Variants in PLCB1 observed in about 807,000 individuals in gnomAD.
PLCB1 encodes phospholipase C beta 1.
Under a neutral mutation model 161.8 loss-of-function variants are expected in PLCB1, and 46 were observed. That is an observed-to-expected ratio of 0.28 (90% CI 0.22 to 0.36). PLCB1 has a LOEUF of 0.36. Among genes scored for constraint, PLCB1 ranks in the 10% least tolerant of loss-of-function variants. The probability of loss-of-function intolerance (pLI) is 1.00; values close to 1 mark genes in which losing one functional copy is unlikely to be tolerated. For synonymous variants in PLCB1, 517 were observed against 503.7 expected (o/e 1.03, Z -0.35); for missense variants, 1,016 against 1,472.5 (o/e 0.69, Z 5.07).
At chr20:8,725,509 A>G (rs1979886827) in intron 16 of PLCB1, among the ~76,000 whole-genome samples, 1 of 152,138 alleles carries the variant, frequency 6.6e-6, no homozygotes. Context: ...TCAAAATCCA[A>G]GCCTCTACCA....
intron 31 of PLCB1, among the ~76,000 whole-genome samples, chr20:8,852,967 C>T (rs1986940801): frequency 1.3e-5 from 2 of 152,180 alleles, no homozygotes; most frequent in South Asian, 4.1e-4. Context: ...CCCCCATATC[C>T]ATTGGGGACA....
intron 3 of PLCB1, among the ~76,000 whole-genome samples, chr20:8,614,417 G>A (rs1031754556): frequency 6.6e-6 from 1 of 151,818 alleles, no homozygotes; most frequent in Non-Finnish European, 1.5e-5. Flanking sequence ...CCTGTCCAAT[G>A]ATGAGAAATA....
In PLCB1 at chr20:8,562,527, G is replaced by T. The variant is rs117845278; in HGVS notation, c.247-65767G>T. ...CCTATTTAAGAAGTAACAGTGCCAA[G>T]GCAATCCCATTTGCTCTGGCCATGT... On this transcript the variant is annotated intron_variant, in intron 3 of 31. Transcript: ENST00000338037. 1.8e-3 allele frequency among the ~76,000 whole-genome samples: 267 copies of T among 152,188 alleles called. 4 individuals carry two copies. In the East Asian group the frequency reaches 0.024, roughly 14 times the overall value.
intron 2 of PLCB1, among the ~76,000 whole-genome samples, chr20:8,286,493 A>T (rs539328414): frequency 1.3e-5 from 2 of 152,318 alleles, no homozygotes; most frequent in East Asian, 3.9e-4. Flanking sequence ...CATAGAAGCA[A>T]TATATACATA....
intron 26 of PLCB1, among the ~76,000 whole-genome samples, chr20:8,771,594 G>A (rs1321948911): frequency 2.0e-5 from 3 of 151,910 alleles, no homozygotes; most frequent in African/African-American, 7.3e-5. Context: ...AGCAGCAGAG[G>A]GGATAATGCC....
chr20:8,594,761 C>G (rs1987271920), intron 3 of PLCB1, among the ~76,000 whole-genome samples: 1 of 151,456 alleles, frequency 6.6e-6, no homozygotes, highest in East Asian at 1.9e-4. Context: ...ATAAATAGCA[C>G]AGCAGATAAA....
intron 3 of PLCB1, among the ~76,000 whole-genome samples, chr20:8,488,541 A>T (rs1243173333): frequency 1.3e-5 from 2 of 152,182 alleles, no homozygotes; most frequent in African/African-American, 4.8e-5. Context: ...GCTGCCTCTT[A>T]CTTAAAGACT....
At chr20:8,248,069 T>A (rs1022981958) in intron 2 of PLCB1, among the ~76,000 whole-genome samples, 2 of 151,842 alleles carry the variant, frequency 1.3e-5, no homozygotes, top group African/African-American at 4.8e-5. Flanking sequence ...TGCAGGGGAT[T>A]TATTAGGGAA....
At chr20:8,261,665 AAGGTGACAGTGGGGT>A (rs1338799904) in intron 2 of PLCB1, among the ~76,000 whole-genome samples, 3 of 152,146 alleles carry the variant, frequency 2.0e-5, no homozygotes, top group Non-Finnish European at 2.9e-5. Context: ...TAATTTATTG[AAGGTGACAGTGGGGT>A]AGAGTGCATG....
At chr20:8,503,576 C>T (rs1399005418) in intron 3 of PLCB1, among the ~76,000 whole-genome samples, 1 of 152,082 alleles carries the variant, frequency 6.6e-6, no homozygotes, top group African/African-American at 2.4e-5. Context: ...AAACCCTATA[C>T]AGTCATATGT....
chr20:8,388,673 A>T (rs1476320920), intron 3 of PLCB1, among the ~76,000 whole-genome samples: 1 of 152,000 alleles, frequency 6.6e-6, no homozygotes, highest in African/African-American at 2.4e-5. Context: ...TTGTTTTGTC[A>T]TTTTGTTACT....
chr20:8,514,471 G>T (rs905202160), intron 3 of PLCB1, among the ~76,000 whole-genome samples: 13 of 139,178 alleles, frequency 9.3e-5, no homozygotes, highest in African/African-American at 3.3e-4. Flanking sequence ...AAGGAAAAAA[G>T]AAACCAGCCT....
chr20:8,690,955 G>C (rs1466218317), intron 10 of PLCB1, among the ~76,000 whole-genome samples: 1 of 152,180 alleles, frequency 6.6e-6, no homozygotes, highest in Non-Finnish European at 1.5e-5. Flanking sequence ...CATTCTCACA[G>C]TATTACCTTG....
chr20:8,432,407 T>C (rs1467868732), intron 3 of PLCB1, among the ~76,000 whole-genome samples: 13 of 152,220 alleles, frequency 8.5e-5, no homozygotes, highest in Admixed American at 7.9e-4. Context: ...CATCTCATTT[T>C]GTAAGGACAT....
chr20:8,617,295 T>G (rs1050734349), intron 3 of PLCB1, among the ~76,000 whole-genome samples: 5 of 152,190 alleles, frequency 3.3e-5, no homozygotes, highest in Non-Finnish European at 4.4e-5. Flanking sequence ...AATTTAAACT[T>G]AAAGCTAAAT....
chr20:8,444,401 G>A lies in PLCB1; in HGVS notation c.246+72951G>A, dbSNP rs552973351. On this transcript the variant is annotated intron_variant, in intron 3 of 31. Transcript: ENST00000338037. Reference sequence around the variant, plus strand: ...ACTCATCCTTTTTTATGGCTGCATAGTATTCCATGGTGTATATGTGCCACA... The same window carrying A: ...ACTCATCCTTTTTTATGGCTGCATAATATTCCATGGTGTATATGTGCCACA... 6.6e-3 allele frequency among the ~76,000 whole-genome samples: 1,008 copies of A among 152,290 alleles called. 12 individuals carry two copies. Among genetic ancestry groups the A allele is most frequent in the African/African-American group, 0.023 (966 of 41,556 alleles).
At chr20:8,811,353 A>G (rs1429399987) in intron 31 of PLCB1, among the ~76,000 whole-genome samples, 1 of 152,128 alleles carries the variant, frequency 6.6e-6, no homozygotes, top group African/African-American at 2.4e-5. Context: ...TAGGAGGGAA[A>G]ATCCATTTGA....
intron 1 of PLCB1, among the ~76,000 whole-genome samples, chr20:8,146,826 A>G (rs905900367): frequency 2.0e-5 from 3 of 152,246 alleles, no homozygotes; most frequent in Non-Finnish European, 4.4e-5. Context: ...TATTTATGAT[A>G]TAGGAATGAC....
At chr20:8,409,520 T>C (rs753219144) in intron 3 of PLCB1, among the ~76,000 whole-genome samples, 5 of 151,952 alleles carry the variant, frequency 3.3e-5, no homozygotes, top group Non-Finnish European at 1.5e-5. Context: ...TGAAGTGCAA[T>C]GGCATGGTCT....
Sources: gnomAD v4.1 joint callset for allele counts (sites outside exome capture counted in the v4.1 genomes callset) on GRCh38, gnomAD v4.1.1 for gene constraint, MANE v1.5 for transcripts, NCBI Gene and HGNC (gene_info 2026-07-23, HGNC 2026-07-21) for gene names.